SLC1A1: variants seen among roughly 807,000 people sequenced by gnomAD.
The protein encoded by SLC1A1 is excitatory amino acid transporter 3.
A neutral mutation model predicts 53.3 loss-of-function variants in SLC1A1; 43 were observed. The ratio of observed to expected loss-of-function variants is 0.81; its 90% CI spans 0.63 to 1.04. The LOEUF (loss-of-function observed/expected upper bound fraction) is 1.04. SLC1A1 is among the 50% of genes least tolerant of loss of function. The probability of loss-of-function intolerance (pLI) is 0.00; values close to 1 mark genes in which losing one functional copy is unlikely to be tolerated. For synonymous variants in SLC1A1, 307 were observed against 243.2 expected (o/e 1.26, Z -2.44); for missense variants, 748 against 664.9 (o/e 1.12, Z -1.37).
At chr9:4,535,567 A>G (rs1165648996) in intron 1 of SLC1A1, among the ~76,000 whole-genome samples, 2 of 152,180 alleles carry the variant, frequency 1.3e-5, no homozygotes, top group Non-Finnish European at 2.9e-5. Flanking sequence ...GAGGATACAA[A>G]CAAATGGAAG....
chr9:4,567,797 C>T (rs1329024746), intron 6 of SLC1A1, 30 bp downstream of exon 6: 6 of 1,324,630 alleles, frequency 4.5e-6, no homozygotes, highest in East Asian at 2.3e-5. Context: ...TTCCTCTTCC[C>T]CAGGAGACAG....
intron 1 of SLC1A1, among the ~76,000 whole-genome samples, chr9:4,536,126 CG>C (rs1564014826): frequency 6.6e-6 from 1 of 151,950 alleles, no homozygotes; most frequent in Non-Finnish European, 1.5e-5. Context: ...TTCAGGACAT[CG>C]GCATGGGCAA....
intron 1 of SLC1A1, among the ~76,000 whole-genome samples, chr9:4,522,584 G>A (rs571697101): frequency 6.6e-6 from 1 of 152,248 alleles, no homozygotes; most frequent in South Asian, 2.1e-4. Flanking sequence ...AAATACCGGA[G>A]ACTGGGTAAT....
intron 2 of SLC1A1, among the ~76,000 whole-genome samples, chr9:4,555,264 T>C (rs912526062): frequency 3.9e-5 from 6 of 152,198 alleles, no homozygotes; most frequent in African/African-American, 1.4e-4. Flanking sequence ...CCACTTATAA[T>C]GGCATAACAC....
At chr9:4,525,264 G>C (rs1041535973) in intron 1 of SLC1A1, among the ~76,000 whole-genome samples, 2 of 152,198 alleles carry the variant, frequency 1.3e-5, no homozygotes, top group Admixed American at 1.3e-4. Flanking sequence ...AAGAGGTTAA[G>C]AGGGTACCCA....
intron 9 of SLC1A1, 50 bp from the exon 10 acceptor site, chr9:4,576,519 T>A (rs763672191): frequency 6.7e-7 from 1 of 1,494,506 alleles, no homozygotes; most frequent in South Asian, 1.1e-5. Flanking sequence ...AGGCAGGGAC[T>A]AAGGTCCAGC....
intron 1 of SLC1A1, among the ~76,000 whole-genome samples, chr9:4,508,247 C>G (rs1032398612): frequency 6.6e-6 from 1 of 152,130 alleles, no homozygotes; most frequent in Non-Finnish European, 1.5e-5. Context: ...GAGTCAACCA[C>G]AGGTAGAAAA....
At chr9:4,531,045 C>T (rs1816448416) in intron 1 of SLC1A1, among the ~76,000 whole-genome samples, 1 of 152,200 alleles carries the variant, frequency 6.6e-6, no homozygotes, top group Admixed American at 6.5e-5. Flanking sequence ...AGTTGTATTA[C>T]TCAGTGTTTT....
At chr9:4,568,417 CAAA>C (rs761098688) in intron 6 of SLC1A1, among the ~76,000 whole-genome samples, 14 of 105,772 alleles carry the variant, frequency 1.3e-4, no homozygotes, top group African/African-American at 1.4e-4. Flanking sequence ...GACCCTGTCT[CAAA>C]AAAAAAAAAA....
chr9:4,510,325 A>G (rs1309207488), intron 1 of SLC1A1, among the ~76,000 whole-genome samples: 1 of 152,146 alleles, frequency 6.6e-6, no homozygotes. Context: ...TCTTCCATGC[A>G]AGGAGGGCAA....
chr9:4,555,297 A>T (rs1183078829), intron 2 of SLC1A1, among the ~76,000 whole-genome samples: 2 of 152,214 alleles, frequency 1.3e-5, no homozygotes, highest in Non-Finnish European at 2.9e-5. Flanking sequence ...GACCTAAAAG[A>T]ACTTCCAATA....
chr9:4,531,279 C>T (rs931142812), intron 1 of SLC1A1, among the ~76,000 whole-genome samples: 4 of 152,230 alleles, frequency 2.6e-5, no homozygotes, highest in Admixed American at 6.5e-5. Context: ...CCGGGAAGCA[C>T]AAGGGGTCAG....
chr9:4,492,033 G>A (rs976370866), intron 1 of SLC1A1, among the ~76,000 whole-genome samples: 1 of 152,174 alleles, frequency 6.6e-6, no homozygotes, highest in African/African-American at 2.4e-5. Context: ...CAGGTTTCTA[G>A]TAAATAAATA....
At chr9:4,566,725 C>G (rs947656164) in intron 5 of SLC1A1, among the ~76,000 whole-genome samples, 3 of 152,128 alleles carry the variant, frequency 2.0e-5, no homozygotes, top group African/African-American at 7.2e-5. Context: ...ATCGTTGTAT[C>G]CCCATTGCTG....
At chr9:4,544,856 T>C (rs181995083) in intron 2 of SLC1A1, 149 bp downstream of exon 2, 62 of 723,744 alleles carry the variant, frequency 8.6e-5, no homozygotes, top group African/African-American at 6.7e-4. Context: ...CTCACAATCA[T>C]GGCGGAAGGC....
rs1001223365 is a variant in SLC1A1, at chr9:4,573,820, C to A, written c.768-87C>A. The A allele has an allele frequency of 9.0e-6, 8 of 884,342 alleles. No homozygotes were observed. In the African/African-American group the frequency reaches 1.1e-4, roughly 13 times the overall value. The allele number at this position is 884,342 out of a possible 1,614,324, so 54.8% of individuals were successfully genotyped here. A position where few individuals can be genotyped will look rare whatever the true frequency, so the allele number is the denominator to read the frequency against. ...AAGTGTGCATGCCAAGCTGAGGGTG[C>A]CCACACTGGAGTGTTCCTTCCCCAC... On this transcript the variant is annotated intron_variant, in intron 7 of 11. Transcript: ENST00000262352.
In SLC1A1 at chr9:4,585,575, T is replaced by A. The variant is rs767393387; in HGVS notation, c.*17T>A. The A allele has an allele frequency of 3.1e-6, 5 of 1,614,216 alleles. No homozygotes were observed. Among genetic ancestry groups the A allele is most frequent in the Non-Finnish European group, 4.2e-6 (5 of 1,180,030 alleles). ...CAGTTCTAGGGCCCCTGGCTGCAGA[T>A]GACTGGAAACAAGGAAGGACATTTC... On this transcript the variant is annotated 3_prime_UTR_variant, in exon 12 of 12. Transcript: ENST00000262352.
At chr9:4,517,056 T>C (rs1230892434) in intron 1 of SLC1A1, among the ~76,000 whole-genome samples, 1 of 152,202 alleles carries the variant, frequency 6.6e-6, no homozygotes, top group East Asian at 1.9e-4. Flanking sequence ...CATTATTATC[T>C]TTATCTGTAA....
At position 4,549,245 on chromosome 9, in the gene SLC1A1, C is replaced by G. The variant is rs373956333; in HGVS notation, c.232+4538C>G. 3.3e-5 allele frequency among the ~76,000 whole-genome samples: 5 copies of G among 152,130 alleles called. No homozygotes were observed. Among genetic ancestry groups the G allele is most frequent in the African/African-American group, 7.2e-5 (3 of 41,436 alleles). ...CTTCCACTTTAGCCTCTGCCACCCC[C>G]GCCTGGGCCAGAAGCACTCCAGTGG... On this transcript the variant is annotated intron_variant, in intron 2 of 11. Coordinates refer to ENST00000262352, the MANE Select transcript of SLC1A1 (RefSeq NM_004170.6). The surrounding 1 kb of genome is among the most constrained non-coding windows in gnomAD (Gnocchi z 4.1).
Sources: gnomAD v4.1 joint callset for allele counts (sites outside exome capture counted in the v4.1 genomes callset) on GRCh38, gnomAD v4.1.1 for gene constraint, Gnocchi (gnomAD v3.1) non-coding constraint, MANE v1.5 for transcripts, NCBI Gene and HGNC (gene_info 2026-07-23, HGNC 2026-07-21) for gene names.